The following FOCAD variants were observed in gnomAD, a reference collection of about 807,000 sequenced individuals.
The protein encoded by FOCAD is focadhesin, also known as KIAA1797.
Under a neutral mutation model 225.6 loss-of-function variants are expected in FOCAD, and 198 were observed. The observed-to-expected ratio is 0.88, with a 90% confidence interval of 0.78 to 0.99. The LOEUF is 0.99. Ranked by LOEUF, FOCAD falls within the 50% of genes least tolerant of loss-of-function variation. The probability of loss-of-function intolerance (pLI) is 0.00; values close to 1 mark genes in which losing one functional copy is unlikely to be tolerated. For synonymous variants in FOCAD, 897 were observed against 755.0 expected, an observed-to-expected ratio of 1.19 and a Z score of -3.08; for missense variants, 2,713 against 2,123.6, an observed-to-expected ratio of 1.28 and a Z score of -5.46.
chr9:20,684,927 A>G (rs2131313681), intron 1 of FOCAD, among the ~76,000 whole-genome samples: 1 of 152,378 alleles, frequency 6.6e-6, no homozygotes, highest in Middle Eastern at 3.4e-3. Flanking sequence ...CGCAGCAGCT[A>G]ACGCGTGGAG....
chr9:20,860,977 A>G (rs964624411), intron 15 of FOCAD, among the ~76,000 whole-genome samples: 12 of 152,016 alleles, frequency 7.9e-5, no homozygotes, highest in African/African-American at 2.9e-4. Flanking sequence ...TGTACCTATA[A>G]CATGTTGTTT....
intron 2 of FOCAD, among the ~76,000 whole-genome samples, chr9:20,664,780 AGG>A (rs1240891775): frequency 2.6e-5 from 4 of 151,858 alleles, no homozygotes; most frequent in Non-Finnish European, 5.9e-5. Flanking sequence ...TGCCCGGCCC[AGG>A]GTGATATCTT....
intron 1 of FOCAD, among the ~76,000 whole-genome samples, chr9:20,701,173 A>T (rs1823911786): frequency 6.6e-6 from 1 of 152,202 alleles, no homozygotes; most frequent in African/African-American, 2.4e-5. Flanking sequence ...CTGGAATGTG[A>T]TGCCAAGTTT....
chr9:20,806,941 C>A (rs974020499), intron 11 of FOCAD, among the ~76,000 whole-genome samples: 2 of 152,122 alleles, frequency 1.3e-5, no homozygotes, highest in Admixed American at 1.3e-4. Context: ...AAACCTTCTG[C>A]ATAGATTAAA....
chr9:20,737,804 T>C (rs764699378), intron 4 of FOCAD, among the ~76,000 whole-genome samples: 1 of 152,200 alleles, frequency 6.6e-6, no homozygotes, highest in Admixed American at 6.5e-5. Flanking sequence ...CCTGGTAAGT[T>C]AGCTTACAAA....
chr9:20,945,393 C>G (rs1208941234), intron 29 of FOCAD, among the ~76,000 whole-genome samples: 1 of 152,186 alleles, frequency 6.6e-6, no homozygotes, highest in Non-Finnish European at 1.5e-5. Context: ...TTGAGAGGAG[C>G]AGGGTATGAC....
At chr9:20,949,063 A>G in intron 32 of FOCAD, 135 bp downstream of exon 32, 2 of 707,588 alleles carry the variant, frequency 2.8e-6, no homozygotes, top group South Asian at 3.6e-5. Context: ...AGACTTTTTA[A>G]TGCCTTGCTG....
intron 21 of FOCAD, 143 bp from the exon 22 acceptor site, chr9:20,907,007 T>C (rs1833035422): frequency 1.6e-6 from 1 of 610,598 alleles, no homozygotes; most frequent in Admixed American, 3.1e-5. Flanking sequence ...AAGATATTAT[T>C]TGTGGTTCTG....
At chr9:20,869,072 A>G (rs1301014567) in intron 18 of FOCAD, among the ~76,000 whole-genome samples, 2 of 152,184 alleles carry the variant, frequency 1.3e-5, no homozygotes, top group Non-Finnish European at 2.9e-5. Flanking sequence ...GTGACACTAT[A>G]AAACAGTGAT....
At chr9:20,807,982 C>G (rs1333316244) in intron 11 of FOCAD, among the ~76,000 whole-genome samples, 1 of 151,746 alleles carries the variant, frequency 6.6e-6, no homozygotes, top group Non-Finnish European at 1.5e-5. Flanking sequence ...ACCCAGGAGG[C>G]CAAGGTTGTA....
At chr9:20,737,620 A>G (rs1239426834) in intron 4 of FOCAD, among the ~76,000 whole-genome samples, 1 of 152,226 alleles carries the variant, frequency 6.6e-6, no homozygotes, top group Non-Finnish European at 1.5e-5. Context: ...CTAAACATGT[A>G]GTGACTCTTT....
intron 5 of FOCAD, among the ~76,000 whole-genome samples, chr9:20,750,455 C>T (rs1302700261): frequency 1.3e-5 from 2 of 152,008 alleles, no homozygotes; most frequent in Non-Finnish European, 2.9e-5. Context: ...AAAATATTTG[C>T]AAATCACGAA....
chr9:20,784,048 A>T (rs1188024850), intron 10 of FOCAD, among the ~76,000 whole-genome samples: 2 of 152,212 alleles, frequency 1.3e-5, no homozygotes, highest in Non-Finnish European at 2.9e-5. Flanking sequence ...GGAACTAAAA[A>T]GTCTCCCCAG....
intron 22 of FOCAD, among the ~76,000 whole-genome samples, 184 bp from the exon 23 acceptor site, chr9:20,912,682 G>A (rs373469247): frequency 6.6e-6 from 1 of 152,098 alleles, no homozygotes; most frequent in African/African-American, 2.4e-5. Context: ...CCTCTTTGGT[G>A]AATGTAGAAA....
intron 42 of FOCAD, 75 bp downstream of exon 42, chr9:20,990,449 G>A: frequency 6.5e-7 from 1 of 1,544,300 alleles, no homozygotes; most frequent in Non-Finnish European, 8.8e-7. Context: ...TAGAATTGAG[G>A]TGGGAGTTAA....
rs1268502734 is a variant in FOCAD at position 20,862,593 on chromosome 9, T to C, written c.1936T>C (p.Ser646Pro). ...LCQAEVVCIRSTWNALSPKLS... is the reference protein window; with the variant it reads ...LCQAEVVCIRPTWNALSPKLS... ...TGCTTCACAGGTTGTTTGCATTCGC[T>C]CCACTTGGAATGCTCTCTCTCCAAA... The change falls in exon 16 of 44, where the codon TCC (serine) becomes CCC (proline). Residue 646 changes from serine (S) to proline (P), a missense_variant. Ser to Pro is a moderately conservative substitution (Grantham distance 74). Transcript: ENST00000338382. 1 of 1,613,304 alleles carries C rather than the reference T, an allele frequency of 6.2e-7. No individual in the cohort carries two copies. The highest frequency in any genetic ancestry group is 1.3e-5 in the African/African-American group (1 of 75,014).
chr9:20,739,396 G>A (rs893714803), intron 4 of FOCAD, among the ~76,000 whole-genome samples: 3 of 152,138 alleles, frequency 2.0e-5, no homozygotes, highest in Non-Finnish European at 4.4e-5. Context: ...CTAAGGTCAG[G>A]AGTTTGAGAC....
At chr9:20,974,040 G>A (rs1304742706) in intron 35 of FOCAD, among the ~76,000 whole-genome samples, 7 of 115,754 alleles carry the variant, frequency 6.0e-5, no homozygotes, top group South Asian at 3.1e-4. Flanking sequence ...CCTTTTTCCT[G>A]TGCTTCTCTT....
intron 15 of FOCAD, among the ~76,000 whole-genome samples, chr9:20,858,906 G>A (rs1433657135): frequency 1.3e-5 from 2 of 152,022 alleles, no homozygotes; most frequent in African/African-American, 4.8e-5. Context: ...AATTCTTCCT[G>A]TTACTGATTT....
Sources: gnomAD v4.1 joint callset for allele counts (sites outside exome capture counted in the v4.1 genomes callset) on GRCh38, gnomAD v4.1.1 for gene constraint, MANE v1.5 for transcripts, NCBI Gene and HGNC (gene_info 2026-07-23, HGNC 2026-07-21) for gene names.